Variants in C17orf113 observed in about 807,000 individuals in gnomAD.
C17orf113 encodes the protein uncharacterized protein C17orf113.
C17orf113 carries 5 observed loss-of-function variants against 11.6 expected under a neutral mutation model. The observed-to-expected ratio is 0.43, with a 90% confidence interval of 0.23 to 0.91. C17orf113 has a LOEUF of 0.91. Among genes scored for constraint, C17orf113 ranks in the 40% least tolerant of loss-of-function variants. The pLI is 0.26. For missense variants in C17orf113, 714 were observed against 841.3 expected (o/e 0.85, Z 1.87); for synonymous variants, 327 against 390.6 (o/e 0.84, Z 1.92).
In C17orf113 at chr17:42,050,481, G is replaced by GCCCGCCCGT. The variant is rs1288850849; in HGVS notation, c.-188+67_-188+75dup. On this transcript the variant is annotated intron_variant, in intron 1 of 2. Coordinates refer to ENST00000587304, the MANE Select transcript of C17orf113 (RefSeq NM_001358661.2). The surrounding 1 kb of genome is among the most constrained non-coding windows in gnomAD (Gnocchi z 5.6). Reference sequence around the variant, plus strand: ...GGTCCCGCAGAGGCACTGAGCCTCCGCCCGCCCGTCCCGCCCGCTCCGGGA... The same window carrying GCCCGCCCGT: ...GGTCCCGCAGAGGCACTGAGCCTCCGCCCGCCCGTCCCGCCCGTCCCGCCCGCTCCGGGA... 9.9e-5 allele frequency: 15 copies of GCCCGCCCGT among 152,210 alleles called. No homozygotes were observed. The highest frequency in any genetic ancestry group is 3.4e-4 in the African/African-American group (14 of 41,522). The allele number at this position is 152,210 out of a possible 1,614,324, so 9.4% of individuals were successfully genotyped here.
At chr17:42,041,231 G>C (rs919628298) in intron 2 of C17orf113, 42 bp from the exon 3 acceptor site, 4 of 1,231,330 alleles carry the variant, frequency 3.2e-6, no homozygotes, top group Non-Finnish European at 4.1e-6. Context: ...GACTGAGTTA[G>C]GCTTGTCCTG....
Position 42,043,437 on chromosome 17 carries a change from C to T in C17orf113, c.-61G>A. On this transcript the variant is annotated 5_prime_UTR_variant, in exon 2 of 3. Transcript: ENST00000587304. ...CTGAATGCTCTTGCCCCCCTGCCTC[C>T]CCCACACACAGGCACCTCCCTTGAC... 8.2e-7 allele frequency: 1 copy of T among 1,217,408 alleles called. No individual in the cohort carries two copies. The highest frequency in any genetic ancestry group is 1.0e-6 in the Non-Finnish European group (1 of 975,160). The allele number at this position is 1,217,408 out of a possible 1,614,324, so 75.4% of individuals were successfully genotyped here.
chr17:42,045,010 C>T (rs1248985302), intron 1 of C17orf113, among the ~76,000 whole-genome samples: 4 of 152,128 alleles, frequency 2.6e-5, no homozygotes, highest in Non-Finnish European at 4.4e-5. Flanking sequence ...CTCTGCCTCC[C>T]GGGTTCACAC....
Position 42,043,254 on chromosome 17 carries a change from C to T in C17orf113, c.123G>A (p.Lys41=), listed in dbSNP as rs1555656319. ...GGCGGCACTCGAGGCAGAACATCAG[C>T]TTCCGCTCATAGTCAAAGTCCAGCC... The part of the protein sequence containing the change: ...FTWLDFDYER[K]LMFCLECRQA... Residue 41 remains lysine, a synonymous_variant, in exon 2 of 3, where the codon AAG becomes AAA. Coordinates refer to ENST00000587304, the MANE Select transcript of C17orf113 (RefSeq NM_001358661.2). 1 of 1,232,170 alleles carries T rather than the reference C, an allele frequency of 8.1e-7. No homozygotes were observed. Among genetic ancestry groups the T allele is most frequent in the Non-Finnish European group, 1.0e-6 (1 of 988,044 alleles). The allele number at this position is 1,232,170 out of a possible 1,614,324, so 76.3% of individuals were successfully genotyped here.
intron 1 of C17orf113, among the ~76,000 whole-genome samples, chr17:42,049,487 TAAGA>T (rs1555656913): frequency 6.6e-6 from 1 of 152,168 alleles, no homozygotes; most frequent in African/African-American, 2.4e-5. Flanking sequence ...GGGCAGTGAA[TAAGA>T]AAGAGCAGGT....
chr17:42,043,489 G>A lies in C17orf113; in HGVS notation c.-113C>T. The A allele has an allele frequency of 4.2e-6, 4 of 960,866 alleles. No homozygotes were observed. Among genetic ancestry groups the A allele is most frequent in the Non-Finnish European group, 5.4e-6 (4 of 741,522 alleles). 59.5% of individuals were successfully genotyped at this position (960,866 alleles called of 1,614,324 possible). A position where few individuals can be genotyped will look rare whatever the true frequency, so the allele number is the denominator to read the frequency against. ...AGGAGAGTTGATGGGGAGGCAGGCTGGGGGCAGCCCGCCAGGCTAACAGGG... is the reference window on the plus strand; with the variant it reads ...AGGAGAGTTGATGGGGAGGCAGGCTAGGGGCAGCCCGCCAGGCTAACAGGG... On this transcript the variant is annotated 5_prime_UTR_variant, in exon 2 of 3. The change creates a premature stop within an existing upstream ORF in the 5' untranslated region. Coordinates refer to ENST00000587304, the MANE Select transcript of C17orf113 (RefSeq NM_001358661.2).
chr17:42,049,125 C>T (rs1198469045), intron 1 of C17orf113, among the ~76,000 whole-genome samples: 3 of 152,088 alleles, frequency 2.0e-5, no homozygotes, highest in East Asian at 1.9e-4. Context: ...TCCAGAGTGC[C>T]AGGTTCCCAT....
chr17:42,040,034 C>A lies in C17orf113; in HGVS notation c.1699G>T (p.Val567Leu), dbSNP rs1308128609. The change falls in exon 3 of 3, where the codon GTA (valine) becomes TTA (leucine). Residue 567 changes from valine to leucine, a missense_variant. Coordinates refer to ENST00000587304, the MANE Select transcript of C17orf113 (RefSeq NM_001358661.2). The stretch of plus-strand genomic sequence containing the variant: ...CCGAGCCGCCCAAGGCCGAATACTA[C>A]GCGCTTAAACAGCGCGAAGTCGCCC... The part of the protein sequence containing the change: ...ALGDFALFKR[V>L]VFGLGRLGPR... 6 of 1,231,090 alleles carry A rather than the reference C, an allele frequency of 4.9e-6. No homozygotes were observed. Among genetic ancestry groups the A allele is most frequent in the Middle Eastern group, 3.1e-4 (1 of 3,206 alleles). 76.3% of individuals were successfully genotyped at this position (1,231,090 alleles called of 1,614,324 possible). A position where few individuals can be genotyped will look rare whatever the true frequency, so the allele number is the denominator to read the frequency against.
chr17:42,043,682 T>C, intron 1 of C17orf113, 119 bp from the exon 2 acceptor site: 1 of 257,306 alleles, frequency 3.9e-6, no homozygotes, highest in Non-Finnish European at 7.3e-6. Flanking sequence ...GTGGAGGGAC[T>C]CACTGGGGCA....
chr17:42,043,482 G>C lies in C17orf113; in HGVS notation c.-106C>G. The C allele has an allele frequency of 9.5e-7, 1 of 1,048,934 alleles. No individual in the cohort carries two copies. The highest frequency in any genetic ancestry group is 3.2e-5 in the East Asian group (1 of 30,866). 65.0% of individuals were successfully genotyped at this position (1,048,934 alleles called of 1,614,324 possible). ...CTTGACAAGGAGAGTTGATGGGGAG[G>C]CAGGCTGGGGGCAGCCCGCCAGGCT... On this transcript the variant is annotated 5_prime_UTR_variant, in exon 2 of 3. Transcript: ENST00000587304.
chr17:42,048,748 A>AC (rs1191055384), intron 1 of C17orf113, among the ~76,000 whole-genome samples: 1 of 151,730 alleles, frequency 6.6e-6, no homozygotes, highest in African/African-American at 2.4e-5. Flanking sequence ...TTCTCTCCAC[A>AC]CCACTGCCTG....
At chr17:42,045,639 T>C (rs7210348) in intron 1 of C17orf113, among the ~76,000 whole-genome samples, 145,801 of 152,316 alleles carry the variant, frequency 0.96, 69,835 homozygotes, top group Admixed American at 0.97. Context: ...TGGTCTGTAC[T>C]GTCTCTCTCC....
Position 42,043,537 on chromosome 17 carries a change from G to T in C17orf113, c.-161C>A. 1 of 486,820 alleles carries T rather than the reference G, an allele frequency of 2.1e-6. No individual in the cohort carries two copies. The highest frequency in any genetic ancestry group is 3.2e-6 in the Non-Finnish European group (1 of 308,176). 30.2% of individuals were successfully genotyped at this position (486,820 alleles called of 1,614,324 possible). The stretch of plus-strand genomic sequence containing the variant: ...GGGCCCATCCATCTAAGCCTGGAGA[G>T]TTTATTCCTGCTCTGCCGGTGGGAG... On this transcript the variant is annotated 5_prime_UTR_variant, in exon 2 of 3. Transcript: ENST00000587304.
In C17orf113 at chr17:42,040,196, C is replaced by T; in HGVS notation, c.1537G>A (p.Ala513Thr). Residue 513 changes from alanine (A) to threonine (T), a missense_variant, in exon 3 of 3, where the codon GCC becomes ACC. Ala to Thr is a moderately conservative substitution (Grantham distance 58). This residue lies in a region of C17orf113 where 516 missense variants were observed against 626.6 expected (regional missense o/e 0.82). Coordinates refer to ENST00000587304, the MANE Select transcript of C17orf113 (RefSeq NM_001358661.2). ...QDSYPGPSLD[A>T]VAAFAAIFDP... ...AAGATCGCTGCGAAGGCGGCCACGG[C>T]GTCCAGCGAAGGCCCGGGGTAGGAG... The T allele has an allele frequency of 8.1e-7, 1 of 1,231,578 alleles. No individual in the cohort carries two copies. The highest frequency in any genetic ancestry group is 3.1e-4 in the Middle Eastern group (1 of 3,208). 76.3% of individuals were successfully genotyped at this position (1,231,578 alleles called of 1,614,324 possible).
chr17:42,043,493 G>GCCCC lies in C17orf113; in HGVS notation c.-118_-117insGGGG. 1.1e-6 allele frequency: 1 copy of GCCCC among 902,690 alleles called. No individual in the cohort carries two copies. The highest frequency in any genetic ancestry group is 1.5e-6 in the Non-Finnish European group (1 of 688,280). 55.9% of individuals were successfully genotyped at this position (902,690 alleles called of 1,614,324 possible). ...GAGTTGATGGGGAGGCAGGCTGGGG[G>GCCCC]CAGCCCGCCAGGCTAACAGGGCCCA... On this transcript the variant is annotated 5_prime_UTR_variant, in exon 2 of 3. Transcript: ENST00000587304.
rs1233329330 is a variant in C17orf113 at position 42,039,959 on chromosome 17, C to A, written c.1774G>T (p.Glu592Ter). ...AGGGCGGCGAAGTCGGGGAAGAGCTCGTGCAGCTCCGAGTGCGCGCACGCC... is the reference window on the plus strand; with the variant it reads ...AGGGCGGCGAAGTCGGGGAAGAGCTAGTGCAGCTCCGAGTGCGCGCACGCC... ...QLACAHSELH[E>*]LFPDFAALAA... Residue 592 changes from glutamate (E) to a stop codon, truncating the protein, a stop_gained, in exon 3 of 3, where the codon GAG becomes TAG. Transcript: ENST00000587304. LOFTEE classifies it high-confidence loss of function. 8.1e-7 allele frequency: 1 copy of A among 1,231,004 alleles called. No homozygotes were observed. The highest frequency in any genetic ancestry group is 3.2e-5 in the East Asian group (1 of 31,694). The allele number at this position is 1,231,004 out of a possible 1,614,324, so 76.3% of individuals were successfully genotyped here. A position where few individuals can be genotyped will look rare whatever the true frequency, so the allele number is the denominator to read the frequency against.
At chr17:42,049,437 G>A (rs534619606) in intron 1 of C17orf113, among the ~76,000 whole-genome samples, 1 of 152,300 alleles carries the variant, frequency 6.6e-6, no homozygotes, top group East Asian at 1.9e-4. Flanking sequence ...TCCCAGAGAT[G>A]GGTACAGTGC....
chr17:42,039,542 TG>T lies in C17orf113; in HGVS notation c.*162del, dbSNP rs10712120. On this transcript the variant is annotated 3_prime_UTR_variant, in exon 3 of 3. Coordinates refer to ENST00000587304, the MANE Select transcript of C17orf113 (RefSeq NM_001358661.2). ...GTCCCTTCCTCCACAGCCCACAGGG[TG>T]GGGGGGGTTGGTGGGAAGCTCCAGA... 514,582 of 514,886 alleles carry T rather than the reference TG, an allele frequency of 1. 257,139 individuals carry two copies. Among genetic ancestry groups the T allele is most frequent in the Admixed American group, 1 (22,509 of 22,512 alleles). 31.9% of individuals were successfully genotyped at this position (514,886 alleles called of 1,614,324 possible). A position where few individuals can be genotyped will look rare whatever the true frequency, so the allele number is the denominator to read the frequency against.
chr17:42,040,389 G>C lies in C17orf113; in HGVS notation c.1344C>G (p.Ala448=). The C allele has an allele frequency of 8.1e-7, 1 of 1,231,968 alleles. No individual in the cohort carries two copies. Among genetic ancestry groups the C allele is most frequent in the East Asian group, 3.2e-5 (1 of 31,704 alleles). The allele number at this position is 1,231,968 out of a possible 1,614,324, so 76.3% of individuals were successfully genotyped here. ...SLQAQRGSGG[A]RLQGFLQELA... ...GTTCCTGCAGGAAGCCCTGGAGGCG[G>C]GCCCCACCTGAGCCGCGCTGAGCTT... The change falls in exon 3 of 3, where the codon GCC becomes GCG. Residue 448 remains alanine (A), a synonymous_variant. Transcript: ENST00000587304.
Sources: allele counts gnomAD v4.1 joint callset (sites outside exome capture counted in the v4.1 genomes callset), GRCh38; gene constraint gnomAD v4.1.1; regional missense constraint gnomAD v4.1.1; non-coding constraint Gnocchi (gnomAD v3.1); transcripts MANE v1.5; gene names NCBI Gene and HGNC (gene_info 2026-07-23, HGNC 2026-07-21).